The following MCC variants were observed in gnomAD, a reference collection of about 807,000 sequenced individuals.
The protein encoded by MCC is MCC regulator of Wnt signaling pathway.
Under a neutral mutation model 116.2 loss-of-function variants are expected in MCC, and 90 were observed. The observed-to-expected ratio is 0.77, with a 90% CI of 0.65 to 0.92. MCC has a LOEUF of 0.92. Among genes scored for constraint, MCC ranks in the 40% least tolerant of loss-of-function variants. MCC has a pLI of 0.00. For missense variants in MCC, 1,516 were observed against 1,312.2 expected (o/e 1.16, Z -2.40); for synonymous variants, 578 against 510.5 (o/e 1.13, Z -1.78).
chr5:113,124,807 A>G (rs1365193745), intron 5 of MCC, among the ~76,000 whole-genome samples: 1 of 152,234 alleles, frequency 6.6e-6, no homozygotes, highest in African/African-American at 2.4e-5. Flanking sequence ...ACCAAAACAA[A>G]GATAGGAACA....
intron 3 of MCC, among the ~76,000 whole-genome samples, chr5:113,193,727 C>A (rs572119696): frequency 3.9e-4 from 60 of 152,274 alleles, no homozygotes; most frequent in African/African-American, 1.3e-3. Context: ...ATCCACTCAT[C>A]CAGAGTTTAT....
intron 1 of MCC, among the ~76,000 whole-genome samples, chr5:113,386,198 G>A (rs1240646021): frequency 6.6e-6 from 1 of 152,116 alleles, no homozygotes; most frequent in Non-Finnish European, 1.5e-5. Flanking sequence ...TTTGTTCATT[G>A]TCACAAACAA....
At chr5:113,433,879 G>A (rs1221435950) in intron 1 of MCC, 4 of 1,613,970 alleles carry the variant, frequency 2.5e-6, no homozygotes, top group Non-Finnish European at 3.4e-6. Flanking sequence ...GGCTGTGCCT[G>A]GGGCTGTGCC....
Position 113,064,143 on chromosome 5 carries a change from A to G in MCC, c.2054T>C (p.Ile685Thr). 6.2e-7 allele frequency: 1 copy of G among 1,613,156 alleles called. No homozygotes were observed. Among genetic ancestry groups the G allele is most frequent in the Non-Finnish European group, 8.5e-7 (1 of 1,179,458 alleles). ...SPGDQSGDEN[I>T]TQMLKRAHDC... ...ATGAGCTCGCTTGAGCATCTGAGTGATGTTTTCATCCCCCGACTGGTCTCC... is the reference window on the plus strand; with the variant it reads ...ATGAGCTCGCTTGAGCATCTGAGTGGTGTTTTCATCCCCCGACTGGTCTCC... Residue 685 changes from isoleucine (I) to threonine (T), a missense_variant, in exon 14 of 19, where the codon ATC (isoleucine) becomes ACC (threonine). Transcript: ENST00000408903.
At chr5:113,129,407 T>C (rs927147013) in intron 5 of MCC, among the ~76,000 whole-genome samples, 6 of 152,208 alleles carry the variant, frequency 3.9e-5, no homozygotes, top group African/African-American at 1.4e-4. Context: ...GGTGTTTCAG[T>C]CAGCTCAGGC....
intron 3 of MCC, among the ~76,000 whole-genome samples, chr5:113,261,810 T>A (rs916035456): frequency 6.6e-6 from 1 of 152,208 alleles, no homozygotes; most frequent in South Asian, 2.1e-4. Flanking sequence ...CCGTTTGAGA[T>A]GCTGACAGAA....
rs1297038198 is a variant in MCC at position 113,459,195 on chromosome 5, G to A, written c.170+29050C>T. Among the ~76,000 whole-genome samples the A allele has an allele frequency of 3.4e-5, 5 of 146,102 alleles. No homozygotes were observed. In the East Asian group the frequency reaches 6.0e-4, roughly 17 times the overall value. The stretch of plus-strand genomic sequence containing the variant: ...TGTGTGTGTGAAGTGGGTGGGGGGG[G>A]GAGAGAGAGAATATGAATGAAGACT... On this transcript the variant is annotated intron_variant, in intron 1 of 18. Coordinates refer to ENST00000408903, the MANE Select transcript of MCC (RefSeq NM_001085377.2).
chr5:113,243,770 T>C (rs73779001), intron 3 of MCC, among the ~76,000 whole-genome samples: 3 of 152,196 alleles, frequency 2.0e-5, no homozygotes, highest in Admixed American at 6.5e-5. Context: ...GACGGGCTCA[T>C]GGCTCTGGGA....
intron 1 of MCC, among the ~76,000 whole-genome samples, chr5:113,423,153 T>G (rs1770384867): frequency 6.6e-6 from 1 of 152,230 alleles, no homozygotes; most frequent in Admixed American, 6.5e-5. Context: ...ATCCTTTTCA[T>G]GGTCTATTTA....
chr5:113,158,644 G>T (rs1760307958), intron 3 of MCC, among the ~76,000 whole-genome samples: 1 of 152,190 alleles, frequency 6.6e-6, no homozygotes, highest in African/African-American at 2.4e-5. Flanking sequence ...ACAATGCTGT[G>T]AGATATATGT....
rs369380197 is a variant in MCC, at chr5:113,119,825, T to C, written c.1027+2859A>G. ...GCTACCACCAGTTATAATTAACCCA[T>C]GTATTTTTAAATGAGGGACGGAATG... is the stretch of plus-strand genomic sequence containing the variant. On this transcript the variant is annotated intron_variant, in intron 6 of 18. Coordinates refer to ENST00000408903, the MANE Select transcript of MCC (RefSeq NM_001085377.2). Among the ~76,000 whole-genome samples the C allele has an allele frequency of 3.3e-4, 50 of 152,304 alleles. No individual in the cohort carries two copies. In the East Asian group the frequency reaches 6.9e-3, roughly 21 times the overall value.
intron 2 of MCC, among the ~76,000 whole-genome samples, chr5:113,373,726 C>G (rs1175466453): frequency 6.6e-6 from 1 of 152,128 alleles, no homozygotes; most frequent in East Asian, 1.9e-4. Context: ...AGTTTTAAAG[C>G]TGTGAAATAT....
chr5:113,037,442 C>G (rs1238204585), intron 17 of MCC, among the ~76,000 whole-genome samples: 3 of 152,174 alleles, frequency 2.0e-5, no homozygotes, highest in African/African-American at 7.2e-5. Flanking sequence ...CCCGTAATCC[C>G]AGCACTTTGT....
chr5:113,032,638 G>C lies in MCC; in HGVS notation c.2757-3582C>G, dbSNP rs542798722. On this transcript the variant is annotated intron_variant, in intron 17 of 18. Coordinates refer to ENST00000408903, the MANE Select transcript of MCC (RefSeq NM_001085377.2). ...AATGCTGTCAGAGGCATGTGAACCA[G>C]AGCAACTCCATCTTAAATAGGAGTT... Among the ~76,000 whole-genome samples, 6 of 152,308 alleles carry C rather than the reference G, an allele frequency of 3.9e-5. No homozygotes were observed. In the East Asian group the frequency reaches 9.6e-4, roughly 24 times the overall value.
chr5:113,278,452 C>CA (rs1374335729), intron 3 of MCC, among the ~76,000 whole-genome samples: 1 of 152,130 alleles, frequency 6.6e-6, no homozygotes, highest in Non-Finnish European at 1.5e-5. Flanking sequence ...TGCTACAATG[C>CA]GAACTACCCA....
chr5:113,071,227 C>A lies in MCC; in HGVS notation c.1792G>T (p.Glu598Ter). Residue 598 changes from glutamate to a stop codon, truncating the protein, a stop_gained, in exon 12 of 19, where the codon GAG becomes TAG. Coordinates refer to ENST00000408903, the MANE Select transcript of MCC (RefSeq NM_001085377.2). LOFTEE classifies it high-confidence loss of function. ...VETERLNSRI[E>*]HLKSQNDLLT... ...AGGTCATTTTGGGATTTGAGGTGCT[C>A]AATCCGGCTACAAAGGAACAAAAAT... 6.2e-7 allele frequency: 1 copy of A among 1,613,672 alleles called. No individual in the cohort carries two copies. Among genetic ancestry groups the A allele is most frequent in the South Asian group, 1.1e-5 (1 of 90,900 alleles).
intron 13 of MCC, among the ~76,000 whole-genome samples, chr5:113,066,828 C>G (rs1753637998): frequency 6.6e-6 from 1 of 152,226 alleles, no homozygotes; most frequent in Non-Finnish European, 1.5e-5. Flanking sequence ...TGACAGAGGC[C>G]TGGCTACCAC....
intron 3 of MCC, among the ~76,000 whole-genome samples, chr5:113,213,854 G>A (rs535137265): frequency 1.3e-5 from 2 of 152,278 alleles, no homozygotes; most frequent in African/African-American, 2.4e-5. Flanking sequence ...TACTTTGTCC[G>A]AAAGAGGACA....
chr5:113,183,167 G>C (rs1312957297), intron 3 of MCC, among the ~76,000 whole-genome samples: 1 of 152,130 alleles, frequency 6.6e-6, no homozygotes, highest in Non-Finnish European at 1.5e-5. Context: ...GGCCCCATCT[G>C]CTCCTCAGTG....
Sources: allele counts gnomAD v4.1 joint callset (sites outside exome capture counted in the v4.1 genomes callset), GRCh38; gene constraint gnomAD v4.1.1; transcripts MANE v1.5; gene names NCBI Gene and HGNC (gene_info 2026-07-23, HGNC 2026-07-21).